PID1: variants seen among roughly 807,000 people sequenced by gnomAD.
PID1 encodes phosphotyrosine interaction domain containing 1.
Under a neutral mutation model 19.1 loss-of-function variants are expected in PID1, and 10 were observed. The observed-to-expected ratio is 0.52, with a 90% CI of 0.32 to 0.89. The LOEUF (loss-of-function observed/expected upper bound fraction) is 0.89, where lower values mean the gene tolerates loss of function less well. Ranked by LOEUF, PID1 falls within the 40% of genes least tolerant of loss-of-function variation. PID1 has a pLI of 0.03. For missense variants in PID1, 248 were observed against 285.3 expected, an observed-to-expected ratio of 0.87 and a Z score of 0.94; for synonymous variants, 130 against 116.0, an observed-to-expected ratio of 1.12 and a Z score of -0.78.
At chr2:229,031,869 TC>T (rs1693561874) in intron 2 of PID1, among the ~76,000 whole-genome samples, 1 of 152,196 alleles carries the variant, frequency 6.6e-6, no homozygotes, top group Non-Finnish European at 1.5e-5. Context: ...TTCTTAATTC[TC>T]CCATTAAATT....
chr2:229,199,643 C>T (rs1363624652), intron 1 of PID1, among the ~76,000 whole-genome samples: 1 of 150,860 alleles, frequency 6.6e-6, no homozygotes, highest in Admixed American at 6.6e-5. Flanking sequence ...AAACTATCTC[C>T]ATGATTGCAT....
chr2:229,122,314 T>C (rs1695540059), intron 2 of PID1, among the ~76,000 whole-genome samples: 1 of 152,136 alleles, frequency 6.6e-6, no homozygotes, highest in African/African-American at 2.4e-5. Context: ...GTCCATACAA[T>C]ATTTGGCTTA....
At chr2:229,162,342 G>A (rs900017493) in intron 1 of PID1, among the ~76,000 whole-genome samples, 2 of 152,176 alleles carry the variant, frequency 1.3e-5, no homozygotes, top group African/African-American at 4.8e-5. Context: ...ATTCAAATTG[G>A]TTGTATCTCA....
At chr2:229,128,756 G>C (rs1689642495) in intron 2 of PID1, among the ~76,000 whole-genome samples, 2 of 152,000 alleles carry the variant, frequency 1.3e-5, no homozygotes, top group South Asian at 4.2e-4. Context: ...TGTAAAATTG[G>C]TATTCTTATC....
intron 1 of PID1, among the ~76,000 whole-genome samples, chr2:229,259,057 G>GT (rs35065323): frequency 0.29 from 39,875 of 136,796 alleles, 6,809 homozygotes; most frequent in East Asian, 0.68. Flanking sequence ...CAAGGTCGTA[G>GT]TTTTTTTTTT....
intron 1 of PID1, among the ~76,000 whole-genome samples, chr2:229,174,018 C>T (rs1009219686): frequency 6.6e-6 from 1 of 152,202 alleles, no homozygotes; most frequent in Non-Finnish European, 1.5e-5. Flanking sequence ...GGCCTCTTCC[C>T]CTTCCCTGCT....
intron 1 of PID1, among the ~76,000 whole-genome samples, chr2:229,268,377 G>C (rs774976649): frequency 2.6e-5 from 4 of 152,152 alleles, no homozygotes; most frequent in Non-Finnish European, 4.4e-5. Flanking sequence ...ACTGTTCTAC[G>C]CAAAGATCTA....
At chr2:229,141,968 C>G (rs1427108855) in intron 2 of PID1, among the ~76,000 whole-genome samples, 3 of 151,868 alleles carry the variant, frequency 2.0e-5, no homozygotes, top group Non-Finnish European at 4.4e-5. Context: ...ATTCTACTAG[C>G]TGGATAGTCA....
At chr2:229,168,506 T>C (rs542734784) in intron 1 of PID1, among the ~76,000 whole-genome samples, 14 of 152,316 alleles carry the variant, frequency 9.2e-5, no homozygotes, top group African/African-American at 2.9e-4. Context: ...GTTTCTGCTA[T>C]TGTTACTGTT....
intron 2 of PID1, among the ~76,000 whole-genome samples, chr2:229,137,822 C>T (rs1229078279): frequency 6.6e-6 from 1 of 152,144 alleles, no homozygotes; most frequent in Non-Finnish European, 1.5e-5. Flanking sequence ...TTTAAACATA[C>T]ACACATCAAG....
At chr2:229,219,565 G>A (rs1284395628) in intron 1 of PID1, among the ~76,000 whole-genome samples, 1 of 152,090 alleles carries the variant, frequency 6.6e-6, no homozygotes, top group East Asian at 1.9e-4. Context: ...TATCAGCCTC[G>A]CTTTGTTGCC....
chr2:229,049,539 A>G (rs6436832), intron 2 of PID1, among the ~76,000 whole-genome samples: 79,414 of 151,986 alleles, frequency 0.52, 21,517 homozygotes, highest in East Asian at 0.67. Context: ...ATGAGCAATT[A>G]TAAGCACCCA....
chr2:229,193,581 A>G (rs1464034228), intron 1 of PID1, among the ~76,000 whole-genome samples: 1 of 152,156 alleles, frequency 6.6e-6, no homozygotes, highest in African/African-American at 2.4e-5. Flanking sequence ...ACAAAGGACA[A>G]TATTGTTGTT....
At chr2:229,044,919 G>A (rs6717417) in intron 2 of PID1, among the ~76,000 whole-genome samples, 84,225 of 151,988 alleles carry the variant, frequency 0.55, 24,351 homozygotes, top group African/African-American at 0.72. Flanking sequence ...GCATAAAAAC[G>A]TATTAGGTAT....
intron 2 of PID1, among the ~76,000 whole-genome samples, chr2:229,137,444 T>G (rs979852156): frequency 2.0e-5 from 3 of 152,244 alleles, no homozygotes; most frequent in Non-Finnish European, 4.4e-5. Flanking sequence ...AGATGACATT[T>G]ATCTCTTACC....
chr2:229,216,627 T>C (rs913903149), intron 1 of PID1, among the ~76,000 whole-genome samples: 1 of 151,766 alleles, frequency 6.6e-6, no homozygotes, highest in Non-Finnish European at 1.5e-5. Flanking sequence ...TCTTAAAAAG[T>C]AAAAAAATAA....
At chr2:229,203,811 G>C (rs891790837) in intron 1 of PID1, among the ~76,000 whole-genome samples, 1 of 152,052 alleles carries the variant, frequency 6.6e-6, no homozygotes, top group African/African-American at 2.4e-5. Flanking sequence ...TCCAAGCATG[G>C]AGACTAATGC....
Position 229,146,425 on chromosome 2 carries a change from C to T in PID1, c.177+9393G>A, listed in dbSNP as rs536792029. Among the ~76,000 whole-genome samples, 27 of 152,164 alleles carry T rather than the reference C, an allele frequency of 1.8e-4. 1 individual carries two copies. The highest frequency in any genetic ancestry group is 5.3e-4 in the African/African-American group (22 of 41,508). On this transcript the variant is annotated intron_variant, in intron 2 of 2. Transcript: ENST00000392055. ...CAGGTTGATAGGTACAGCAAACCAC[C>T]ATGGCACATGTATACCTATGTAACA...
chr2:229,200,967 T>A (rs1417950473), intron 1 of PID1, among the ~76,000 whole-genome samples: 1 of 151,816 alleles, frequency 6.6e-6, no homozygotes, highest in African/African-American at 2.4e-5. Flanking sequence ...CTGAATTGGG[T>A]TTTGCTCTCT....
Sources: gnomAD v4.1 joint callset for allele counts (sites outside exome capture counted in the v4.1 genomes callset) on GRCh38, gnomAD v4.1.1 for gene constraint, MANE v1.5 for transcripts, NCBI Gene and HGNC (gene_info 2026-07-23, HGNC 2026-07-21) for gene names.